The following PDE8A variants were observed in gnomAD, a reference collection of about 807,000 sequenced individuals.
PDE8A encodes the protein high affinity cAMP-specific and IBMX-insensitive 3',5'-cyclic phosphodiesterase 8A.
A neutral mutation model predicts 105.0 loss-of-function variants in PDE8A; 59 were observed. That is an observed-to-expected ratio of 0.56 (90% CI 0.46 to 0.70). PDE8A has a LOEUF of 0.70. Ranked by LOEUF, PDE8A falls within the 30% of genes least tolerant of loss-of-function variation. The pLI is 0.00. For synonymous variants in PDE8A, 355 were observed against 371.9 expected, an observed-to-expected ratio of 0.95 and a Z score of 0.52; for missense variants, 1,014 against 1,045.9, an observed-to-expected ratio of 0.97 and a Z score of 0.42.
At chr15:85,052,869 T>C (rs1596474341) in intron 1 of PDE8A, among the ~76,000 whole-genome samples, 4 of 152,246 alleles carry the variant, frequency 2.6e-5, no homozygotes, top group South Asian at 2.1e-4. Flanking sequence ...TGCCATTGCT[T>C]TTGGTATTTT....
intron 1 of PDE8A, among the ~76,000 whole-genome samples, chr15:85,045,913 C>T (rs913625353): frequency 6.6e-6 from 1 of 152,154 alleles, no homozygotes; most frequent in Non-Finnish European, 1.5e-5. Context: ...GTCTTTACTG[C>T]AGTTCCTGGG....
At chr15:85,095,670 G>C (rs184680039) in intron 8 of PDE8A, among the ~76,000 whole-genome samples, 180 of 152,044 alleles carry the variant, frequency 1.2e-3, no homozygotes, top group African/African-American at 4.1e-3. Flanking sequence ...TGATATTTAT[G>C]TAAGTAAATA....
At chr15:85,078,117 T>C (rs563716775) in intron 5 of PDE8A, among the ~76,000 whole-genome samples, 1 of 129,792 alleles carries the variant, frequency 7.7e-6, no homozygotes, top group Admixed American at 8.2e-5. Context: ...GAGTAAATTT[T>C]AAAAGAGGAC....
intron 8 of PDE8A, 63 bp from the exon 9 acceptor site, chr15:85,097,885 G>A: frequency 5.4e-6 from 5 of 930,930 alleles, no homozygotes; most frequent in Non-Finnish European, 8.7e-6. Flanking sequence ...AACTGAAGTG[G>A]AAAATGTTCT....
chr15:85,063,075 T>A (rs1379708216), intron 1 of PDE8A: 6 of 151,912 alleles, frequency 3.9e-5, no homozygotes, highest in Non-Finnish European at 7.4e-5. Flanking sequence ...CAGTCTTTGG[T>A]CTAGAATATT....
intron 1 of PDE8A, among the ~76,000 whole-genome samples, chr15:84,996,857 A>G (rs1272658177): frequency 7.5e-6 from 1 of 133,978 alleles, no homozygotes; most frequent in Non-Finnish European, 1.6e-5. Context: ...AAAAGGTGGT[A>G]CACTTATATA....
intron 9 of PDE8A, 84 bp downstream of exon 9, chr15:85,098,120 C>T (rs1054582092): frequency 2.5e-6 from 2 of 811,792 alleles, no homozygotes; most frequent in African/African-American, 3.4e-5. Context: ...AAGTTAAGGA[C>T]TGCTGACAGA....
intron 16 of PDE8A, among the ~76,000 whole-genome samples, chr15:85,116,770 G>T (rs1355622538): frequency 6.6e-6 from 1 of 152,234 alleles, no homozygotes; most frequent in Non-Finnish European, 1.5e-5. Flanking sequence ...TCTCATCTCA[G>T]TCTGGGTGAC....
rs143931801 is a variant in PDE8A, at chr15:85,002,153, G to T, written c.186+19805G>T. Among the ~76,000 whole-genome samples the T allele has an allele frequency of 3.1e-3, 474 of 152,206 alleles. 2 individuals carry two copies. Among genetic ancestry groups the T allele is most frequent in the African/African-American group, 0.011 (460 of 41,528 alleles). On this transcript the variant is annotated intron_variant, in intron 1 of 21. Transcript: ENST00000394553. The stretch of plus-strand genomic sequence containing the variant: ...TTCAATTCAATTCTGACTGGAATTA[G>T]TGTAGACCCCCCAGGTTAAGGAGGC...
At chr15:85,024,087 T>TA (rs2080472462) in intron 1 of PDE8A, among the ~76,000 whole-genome samples, 1 of 152,218 alleles carries the variant, frequency 6.6e-6, no homozygotes, top group Admixed American at 6.5e-5. Flanking sequence ...CTACCTTCTC[T>TA]ACCTGGCTAA....
chr15:85,136,651 G>T lies in PDE8A; in HGVS notation c.2371G>T (p.Asp791Tyr), dbSNP rs1405952521. The T allele has an allele frequency of 6.2e-7, 1 of 1,613,482 alleles. No individual in the cohort carries two copies. The highest frequency in any genetic ancestry group is 8.5e-7 in the Non-Finnish European group (1 of 1,179,766). Residue 791 changes from aspartate (D) to tyrosine (Y), a missense_variant, in exon 21 of 22, where the codon GAT becomes TAT. Asp to Tyr is a radical substitution (Grantham distance 160). Coordinates refer to ENST00000394553, the MANE Select transcript of PDE8A (RefSeq NM_002605.3). ...FIDYFITDMF[D>Y]AWDAFVDLPD... The stretch of plus-strand genomic sequence containing the variant: ...TGATTACTTCATCACAGACATGTTT[G>T]ATGCTTGGGATGGTAAGAAATCTTC...
intron 20 of PDE8A, among the ~76,000 whole-genome samples, chr15:85,133,881 T>G (rs2082364069): frequency 6.6e-6 from 1 of 152,186 alleles, no homozygotes; most frequent in Non-Finnish European, 1.5e-5. Context: ...GCTGCTTGAC[T>G]TCATGGGGAG....
intron 1 of PDE8A, among the ~76,000 whole-genome samples, chr15:85,022,525 T>C (rs892462144): frequency 7.2e-6 from 1 of 139,800 alleles, no homozygotes; most frequent in African/African-American, 2.8e-5. Context: ...CATGGTAGTG[T>C]CATATATATG....
At chr15:85,021,526 C>A (rs1567233320) in intron 1 of PDE8A, among the ~76,000 whole-genome samples, 1 of 152,004 alleles carries the variant, frequency 6.6e-6, no homozygotes, top group Non-Finnish European at 1.5e-5. Context: ...CCACTGCACT[C>A]CAGCCTAGGC....
intron 1 of PDE8A, among the ~76,000 whole-genome samples, chr15:85,029,846 G>T (rs1470062987): frequency 6.6e-6 from 1 of 152,160 alleles, no homozygotes; most frequent in African/African-American, 2.4e-5. Context: ...CTAGAGTCTG[G>T]AAGTCAAGTG....
intron 20 of PDE8A, among the ~76,000 whole-genome samples, chr15:85,132,802 T>C (rs1483021133): frequency 6.6e-6 from 1 of 151,770 alleles, no homozygotes; most frequent in Non-Finnish European, 1.5e-5. Context: ...ATATTCTCAC[T>C]GTGGTGTTCA....
At chr15:85,050,117 C>T (rs1026508431) in intron 1 of PDE8A, among the ~76,000 whole-genome samples, 1 of 151,906 alleles carries the variant, frequency 6.6e-6, no homozygotes, top group Non-Finnish European at 1.5e-5. Flanking sequence ...ATTAATATAT[C>T]TTCTTTGGAG....
At position 85,040,750 on chromosome 15, in the gene PDE8A, A is replaced by G. The variant is rs570617694; in HGVS notation, c.187-23620A>G. 1.2e-4 allele frequency among the ~76,000 whole-genome samples: 19 copies of G among 152,028 alleles called. No homozygotes were observed. The South Asian group carries it at 1.7e-3, about 13-fold the overall frequency. On this transcript the variant is annotated intron_variant, in intron 1 of 21. Coordinates refer to ENST00000394553, the MANE Select transcript of PDE8A (RefSeq NM_002605.3). ...TAATGTTTCTATTTTTAGTAGAGAC[A>G]GGGTTTCACCGTGTTAGCCAGGATG...
chr15:85,058,231 C>G (rs2081092668), intron 1 of PDE8A, among the ~76,000 whole-genome samples: 2 of 152,242 alleles, frequency 1.3e-5, no homozygotes, highest in South Asian at 4.1e-4. Flanking sequence ...TAGGTGCATA[C>G]CACCATGACC....
Sources: allele counts gnomAD v4.1 joint callset (sites outside exome capture counted in the v4.1 genomes callset), GRCh38; gene constraint gnomAD v4.1.1; transcripts MANE v1.5; gene names NCBI Gene and HGNC (gene_info 2026-07-23, HGNC 2026-07-21).